Variants in URB1 observed in about 807,000 individuals in gnomAD.
The protein encoded by URB1 is nucleolar pre-ribosomal-associated protein 1.
URB1 carries 197 observed loss-of-function variants against 242.3 expected under a neutral mutation model. The ratio of observed to expected loss-of-function variants is 0.81; its 90% CI spans 0.72 to 0.91. The LOEUF (loss-of-function observed/expected upper bound fraction) is 0.91. Among genes scored for constraint, URB1 ranks in the 40% least tolerant of loss-of-function variants. The probability of loss-of-function intolerance (pLI) is 0.00; values close to 1 mark genes in which losing one functional copy is unlikely to be tolerated. For missense variants in URB1, 2,721 were observed against 2,860.5 expected, an observed-to-expected ratio of 0.95 and a Z score of 1.11; for synonymous variants, 1,153 against 1,201.8, an observed-to-expected ratio of 0.96 and a Z score of 0.84.
At chr21:32,362,188 A>G (rs1180346326) in intron 11 of URB1, among the ~76,000 whole-genome samples, 167 bp from the exon 12 acceptor site, 2 of 152,006 alleles carry the variant, frequency 1.3e-5, no homozygotes, top group African/African-American at 2.4e-5. Context: ...CCAAATCCAC[A>G]TAAGTTCTGC....
chr21:32,392,942 C>T lies in URB1; in HGVS notation c.-32G>A, dbSNP rs2033657317. 1.3e-6 allele frequency: 2 copies of T among 1,485,858 alleles called. No homozygotes were observed. The highest frequency in any genetic ancestry group is 1.8e-6 in the Non-Finnish European group (2 of 1,118,222). The allele number at this position is 1,485,858 out of a possible 1,614,324, so 92.0% of individuals were successfully genotyped here. A position where few individuals can be genotyped will look rare whatever the true frequency, so the allele number is the denominator to read the frequency against. The stretch of plus-strand genomic sequence containing the variant: ...GAGGGCGGAAGCGCGACGGAAACGA[C>T]ACACCTGAGGGGACCCGGCAGGAGC... On this transcript the variant is annotated 5_prime_UTR_variant, in exon 1 of 39. Coordinates refer to ENST00000382751, the MANE Select transcript of URB1 (RefSeq NM_014825.3).
chr21:32,319,260 T>C lies in URB1; in HGVS notation c.5749A>G (p.Asn1917Asp). The change falls in exon 36 of 39, where the codon AAT becomes GAT. Residue 1917 changes from asparagine (N) to aspartate (D), a missense_variant. Physicochemically the swap from Asn to Asp is conservative, Grantham distance 23. Coordinates refer to ENST00000382751, the MANE Select transcript of URB1 (RefSeq NM_014825.3). ...ACGATGAGAACATAAAGGAACTCAT[T>C]GACCAGGTGCAGGGCAAGCCGCTTG... is the stretch of plus-strand genomic sequence containing the variant. ...PAKRLALHLV[N>D]EFLYVLIVLM... 1 of 1,551,238 alleles carries C rather than the reference T, an allele frequency of 6.4e-7. No individual in the cohort carries two copies. Among genetic ancestry groups the C allele is most frequent in the Non-Finnish European group, 8.7e-7 (1 of 1,146,770 alleles).
rs111833826 is a variant in URB1, at chr21:32,344,580, T to G, written c.4247A>C (p.Asn1416Thr). The change falls in exon 24 of 39, where the codon AAT becomes ACT. Residue 1416 changes from asparagine (N) to threonine (T), a missense_variant. By Grantham distance (65) the Asn-to-Thr change is moderately conservative (BLOSUM62 0). Coordinates refer to ENST00000382751, the MANE Select transcript of URB1 (RefSeq NM_014825.3). ...AGAAAAGACACTTACCAACAACGCA[T>G]TTAATCTAAGCAGCATTTCCTTCTC... ...NQEKEMLLRL[N>T]ALLHALNEVD... The G allele has an allele frequency of 1.1e-5, 17 of 1,552,254 alleles. No homozygotes were observed. The highest frequency in any genetic ancestry group is 9.6e-5 in the African/African-American group (7 of 73,178).
intron 4 of URB1, among the ~76,000 whole-genome samples, chr21:32,379,854 G>A (rs2033503039): frequency 6.6e-6 from 1 of 152,036 alleles, no homozygotes; most frequent in Non-Finnish European, 1.5e-5. Context: ...GCTGGGTATG[G>A]TGGTAGGCGC....
intron 11 of URB1, among the ~76,000 whole-genome samples, chr21:32,362,820 G>C (rs76018431): frequency 0.032 from 4,923 of 152,168 alleles, 259 homozygotes; most frequent in African/African-American, 0.11. Flanking sequence ...TGAGGGGTAA[G>C]GACACAATCT....
At chr21:32,386,010 G>A (rs1476798702) in intron 1 of URB1, among the ~76,000 whole-genome samples, 3 of 152,096 alleles carry the variant, frequency 2.0e-5, no homozygotes, top group Admixed American at 6.6e-5. Flanking sequence ...AAATTAGCCA[G>A]GTGTGGTGGC....
At chr21:32,372,751 T>G in intron 7 of URB1, 120 bp from the exon 8 acceptor site, 1 of 1,124,262 alleles carries the variant, frequency 8.9e-7, no homozygotes, top group South Asian at 1.7e-5. Context: ...TTTTAAATAC[T>G]TGGTGTCATT....
intron 25 of URB1, among the ~76,000 whole-genome samples, chr21:32,340,372 G>A (rs1219721942): frequency 6.6e-6 from 1 of 152,218 alleles, no homozygotes; most frequent in Non-Finnish European, 1.5e-5. Context: ...AGCACTTTGG[G>A]AGGCCGAGGC....
intron 12 of URB1, 42 bp downstream of exon 12, chr21:32,361,850 C>T: frequency 6.5e-7 from 1 of 1,544,020 alleles, no homozygotes; most frequent in Non-Finnish European, 8.7e-7. Flanking sequence ...AGCTCTGTCC[C>T]ATGCAAAAGG....
intron 22 of URB1, 85 bp from the exon 23 acceptor site, chr21:32,345,660 A>G (rs1287052022): frequency 3.7e-6 from 5 of 1,362,304 alleles, no homozygotes; most frequent in South Asian, 1.5e-5. Context: ...ACTGGTTGCT[A>G]TATTTTAGGT....
chr21:32,388,267 A>C (rs1381798598), intron 1 of URB1, among the ~76,000 whole-genome samples: 2 of 152,102 alleles, frequency 1.3e-5, no homozygotes, highest in Non-Finnish European at 2.9e-5. Context: ...AACAGAACCT[A>C]CCTGACAGGG....
chr21:32,353,877 C>A, intron 18 of URB1, 56 bp downstream of exon 18: 2 of 1,528,296 alleles, frequency 1.3e-6, no homozygotes, highest in Non-Finnish European at 1.8e-6. Context: ...CACCTCCCAC[C>A]CTGCACAGAC....
intron 1 of URB1, among the ~76,000 whole-genome samples, chr21:32,389,175 C>T (rs1286738549): frequency 2.6e-5 from 4 of 151,950 alleles, no homozygotes; most frequent in East Asian, 1.9e-4. Flanking sequence ...TAATAGTAAA[C>T]GTAAGTATTG....
rs762225 is a variant in URB1 at position 32,316,888 on chromosome 21, G to T, written c.6212C>A (p.Pro2071His). 4 of 1,551,558 alleles carry T rather than the reference G, an allele frequency of 2.6e-6. No homozygotes were observed. The highest frequency in any genetic ancestry group is 2.7e-5 in the African/African-American group (2 of 73,066). The change falls in exon 38 of 39, where the codon CCT (proline) becomes CAT (histidine). Residue 2071 changes from proline (P) to histidine (H), a missense_variant. Pro to His is a moderately conservative substitution (Grantham distance 77). Transcript: ENST00000382751. Reference sequence around the variant, plus strand: ...AGGCTCCTGAGTGGGGTCAGGACCAGGGATCACTGGTCTCCAGTAAGTCAA... The same window carrying T: ...AGGCTCCTGAGTGGGGTCAGGACCATGGATCACTGGTCTCCAGTAAGTCAA... ...SILTYWRPVI[P>H]GPDPTQEPVD...
intron 10 of URB1, among the ~76,000 whole-genome samples, chr21:32,365,129 G>C (rs115621020): frequency 0.011 from 1,697 of 152,338 alleles, 36 homozygotes; most frequent in African/African-American, 0.038. Context: ...GCTTGGAAGG[G>C]AGAGCAAATG....
chr21:32,339,598 C>T (rs2033005113), intron 25 of URB1, among the ~76,000 whole-genome samples: 1 of 151,574 alleles, frequency 6.6e-6, no homozygotes, highest in East Asian at 2.0e-4. Flanking sequence ...TCACACCATT[C>T]TCCTGCCTCA....
At chr21:32,376,322 A>G (rs901194940) in intron 5 of URB1, among the ~76,000 whole-genome samples, 1 of 152,228 alleles carries the variant, frequency 6.6e-6, no homozygotes, top group African/African-American at 2.4e-5. Flanking sequence ...TTAATGCAGT[A>G]GTGACAGTGG....
intron 24 of URB1, 102 bp from the exon 25 acceptor site, chr21:32,341,626 G>A: frequency 9.7e-7 from 1 of 1,027,518 alleles, no homozygotes; most frequent in Non-Finnish European, 1.4e-6. Context: ...TGCCTCCATG[G>A]CCTGACTACC....
intron 15 of URB1, among the ~76,000 whole-genome samples, chr21:32,355,799 C>T (rs571817084): frequency 4.6e-5 from 7 of 152,274 alleles, no homozygotes; most frequent in African/African-American, 1.7e-4. Flanking sequence ...TTAGCAGAGA[C>T]AAAGTTTTGC....
Sources: allele counts gnomAD v4.1 joint callset (sites outside exome capture counted in the v4.1 genomes callset), GRCh38; gene constraint gnomAD v4.1.1; transcripts MANE v1.5; gene names NCBI Gene and HGNC (gene_info 2026-07-23, HGNC 2026-07-21).